YARS1: variants seen among roughly 807,000 people sequenced by gnomAD.
The protein encoded by YARS1 is tyrosyl-tRNA synthetase 1.
A neutral mutation model predicts 62.2 loss-of-function variants in YARS1; 36 were observed. That is an observed-to-expected ratio of 0.58 (90% CI 0.44 to 0.76). The LOEUF is 0.76. Among genes scored for constraint, YARS1 ranks in the 30% least tolerant of loss-of-function variants. The pLI, the probability that YARS1 is intolerant of heterozygous loss-of-function variation, is 0.00. For missense variants in YARS1, 524 were observed against 639.8 expected, an observed-to-expected ratio of 0.82 and a Z score of 1.95; for synonymous variants, 234 against 244.9, an observed-to-expected ratio of 0.96 and a Z score of 0.42.
chr1:32,817,114 C>G (rs1049887717), intron 1 of YARS1, 74 bp downstream of exon 1: 2 of 1,585,178 alleles, frequency 1.3e-6, no homozygotes, highest in Non-Finnish European at 1.7e-6. Flanking sequence ...CTTAGAACCC[C>G]GTAATGGGGC....
intron 11 of YARS1, 28 bp from the exon 12 acceptor site, chr1:32,779,551 T>C: frequency 1.2e-6 from 2 of 1,613,754 alleles, no homozygotes; most frequent in South Asian, 2.2e-5. Flanking sequence ...AAGAGAAGAG[T>C]GAGGCTATGG....
At chr1:32,782,564 G>C (rs765306742) in intron 8 of YARS1, 25 bp from the exon 9 acceptor site, 1 of 1,614,070 alleles carries the variant, frequency 6.2e-7, no homozygotes, top group East Asian at 2.2e-5. Flanking sequence ...AAGACCTAGT[G>C]AGATAAAGTC....
intron 4 of YARS1, among the ~76,000 whole-genome samples, chr1:32,806,162 C>T (rs1282349479): frequency 6.6e-6 from 1 of 152,150 alleles, no homozygotes; most frequent in Admixed American, 6.5e-5. Flanking sequence ...CTTATACGGG[C>T]ACAGTTTGTG....
intron 11 of YARS1, chr1:32,779,837 T>C (rs1652993867): frequency 4.9e-6 from 3 of 612,266 alleles, no homozygotes; most frequent in Non-Finnish European, 5.7e-6. Context: ...TCCTTACTAG[T>C]AGTAAGACTT....
intron 1 of YARS1, 110 bp from the exon 2 acceptor site, chr1:32,811,167 G>A (rs1353908173): frequency 1.3e-6 from 2 of 1,533,022 alleles, no homozygotes; most frequent in South Asian, 2.2e-5. Context: ...CAGGCTCAGA[G>A]CCATCAAGGA....
chr1:32,778,255 A>G (rs542743191), intron 12 of YARS1, among the ~76,000 whole-genome samples: 2 of 152,318 alleles, frequency 1.3e-5, no homozygotes, highest in African/African-American at 4.8e-5. Context: ...TGGAATCGGT[A>G]TTTGTTAAAT....
Position 32,800,795 on chromosome 1 carries a change from G to C in YARS1, c.511-2952C>G. Among the ~76,000 whole-genome samples the C allele has an allele frequency of 1.3e-5, 2 of 151,954 alleles. 1 individual carries two copies. The highest frequency in any genetic ancestry group is 1.3e-4 in the Admixed American group (2 of 15,248). On this transcript the variant is annotated intron_variant, in intron 4 of 12. Coordinates refer to ENST00000373477, the MANE Select transcript of YARS1 (RefSeq NM_003680.4). ...TCACCATGTTAGCCAGGATGGTCTCGATTTCCTGACCTCGTGATCTGCCCG... is the reference window on the plus strand; with the variant it reads ...TCACCATGTTAGCCAGGATGGTCTCCATTTCCTGACCTCGTGATCTGCCCG...
chr1:32,812,891 C>T lies in YARS1; in HGVS notation c.58-1834G>A, dbSNP rs576565582. ...GCTGAGGCAGGAGAATCGCTTGAAC[C>T]TGGAAGGTGGAGGTTGCAGTGAGCC... is the stretch of plus-strand genomic sequence containing the variant. On this transcript the variant is annotated intron_variant, in intron 1 of 12. Coordinates refer to ENST00000373477, the MANE Select transcript of YARS1 (RefSeq NM_003680.4). Among the ~76,000 whole-genome samples the T allele has an allele frequency of 7.6e-4, 114 of 149,712 alleles. 1 individual carries two copies. The highest frequency in any genetic ancestry group is 1.2e-3 in the Admixed American group (18 of 14,738).
rs531812632 is a variant in YARS1, at chr1:32,806,500, G to A, written c.492C>T (p.Leu164=). The change falls in exon 4 of 13, where the codon CTC becomes CTT. Residue 164 remains leucine (L), a synonymous_variant. Coordinates refer to ENST00000373477, the MANE Select transcript of YARS1 (RefSeq NM_003680.4). ...KQVEHPLLSG[L]LYPGLQALDE... is the part of the protein sequence containing the mutation. Reference sequence around the variant, plus strand: ...TAAGTACCTGCAGTCCGGGGTATAAGAGGCCACTCAGCAAAGGGTGCTCCA... The same window carrying A: ...TAAGTACCTGCAGTCCGGGGTATAAAAGGCCACTCAGCAAAGGGTGCTCCA... 366 of 1,614,172 alleles carry A rather than the reference G, an allele frequency of 2.3e-4. 3 individuals are homozygous for A. The South Asian group carries it at 3.2e-3, about 14-fold the overall frequency.
rs546914121 is a variant in YARS1 at position 32,801,630 on chromosome 1, G to A, written c.511-3787C>T. ...CACATCAATTGACTCTCCCTTTCAC[G>A]AAAGATTTATCTGGTGCAGGTGATG... On this transcript the variant is annotated intron_variant, in intron 4 of 12. Transcript: ENST00000373477. 5.9e-5 allele frequency among the ~76,000 whole-genome samples: 9 copies of A among 152,222 alleles called. No homozygotes were observed. In the East Asian group the frequency reaches 1.5e-3, roughly 26 times the overall value.
At chr1:32,808,033 G>A (rs2148615558) in intron 3 of YARS1, among the ~76,000 whole-genome samples, 1 of 152,096 alleles carries the variant, frequency 6.6e-6, no homozygotes, top group Non-Finnish European at 1.5e-5. Context: ...AGCCTCTCAA[G>A]TAGCTGGGAT....
intron 3 of YARS1, among the ~76,000 whole-genome samples, chr1:32,806,935 C>A (rs968065757): frequency 2.0e-5 from 3 of 152,106 alleles, no homozygotes; most frequent in Admixed American, 2.0e-4. Context: ...TGCACATGCA[C>A]CCCTTGAATC....
At position 32,782,549 on chromosome 1, in the gene YARS1, C is replaced by T. The variant is rs746298797; in HGVS notation, c.907-10G>A. ...CTCCAGGATGTACAACCTGCAGAAT[C>T]GAACAAGACCTAGTGAGATAAAGTC... On this transcript the variant is annotated splice_polypyrimidine_tract_variant and intron_variant, in intron 8 of 12. Transcript: ENST00000373477. The T allele has an allele frequency of 9.3e-6, 15 of 1,613,942 alleles. No homozygotes were observed. The highest frequency in any genetic ancestry group is 5.0e-5 in the Admixed American group (3 of 59,986).
intron 4 of YARS1, among the ~76,000 whole-genome samples, chr1:32,803,143 C>T (rs1000781308): frequency 3.3e-5 from 5 of 151,788 alleles, no homozygotes; most frequent in Admixed American, 1.3e-4. Context: ...CCACCATGCC[C>T]GGCTAATTAA....
chr1:32,778,339 G>C (rs1652935742), intron 12 of YARS1, among the ~76,000 whole-genome samples: 1 of 152,176 alleles, frequency 6.6e-6, no homozygotes, highest in Non-Finnish European at 1.5e-5. Context: ...GAGACAATGA[G>C]TGCTCTAAAC....
intron 4 of YARS1, among the ~76,000 whole-genome samples, chr1:32,800,378 G>A (rs569336275): frequency 2.6e-4 from 40 of 152,094 alleles, no homozygotes; most frequent in African/African-American, 9.4e-4. Context: ...GTTGGCTTAC[G>A]CCTGCAATTT....
rs1638252427 is a variant in YARS1 at position 32,800,477 on chromosome 1, A to G, written c.511-2634T>C. Among the ~76,000 whole-genome samples the G allele has an allele frequency of 2.0e-5, 3 of 152,290 alleles. 1 individual carries two copies. The South Asian group carries it at 6.2e-4, about 32-fold the overall frequency. ...CAACATAGTGAGACCCTGTCTCTAC[A>G]AAAAATTTAATTAAAAAAAATTATA... On this transcript the variant is annotated intron_variant, in intron 4 of 12. Coordinates refer to ENST00000373477, the MANE Select transcript of YARS1 (RefSeq NM_003680.4).
At position 32,811,016 on chromosome 1, in the gene YARS1, C is replaced by T. The variant is rs1260486484; in HGVS notation, c.99G>A (p.Glu33=). 6.2e-7 allele frequency: 1 copy of T among 1,614,196 alleles called. No individual in the cohort carries two copies. The stretch of plus-strand genomic sequence containing the variant: ...TTCCCCAGTAAATTTTAAGTTCCCG[C>T]TCCTTCAGTATCTCCTTCAGCTTCT... The part of the protein sequence containing the change: ...GEEKLKEILK[E]RELKIYWGTA... The change falls in exon 2 of 13, where the codon GAG becomes GAA. Residue 33 remains glutamate, a synonymous_variant. Coordinates refer to ENST00000373477, the MANE Select transcript of YARS1 (RefSeq NM_003680.4).
chr1:32,791,433 T>G (rs1219008412), intron 5 of YARS1, among the ~76,000 whole-genome samples, 179 bp from the exon 6 acceptor site: 1 of 152,202 alleles, frequency 6.6e-6, no homozygotes, highest in Non-Finnish European at 1.5e-5. Context: ...CCCTACTGCT[T>G]TTCTATCAGT....
Sources: gnomAD v4.1 joint callset for allele counts (sites outside exome capture counted in the v4.1 genomes callset) on GRCh38, gnomAD v4.1.1 for gene constraint, MANE v1.5 for transcripts, NCBI Gene and HGNC (gene_info 2026-07-23, HGNC 2026-07-21) for gene names.